Variants in CADPS observed in about 807,000 individuals in gnomAD.
CADPS encodes calcium dependent secretion activator.
Under a neutral mutation model 167.3 loss-of-function variants are expected in CADPS, and 57 were observed. The observed-to-expected ratio is 0.34, with a 90% CI of 0.28 to 0.42. The LOEUF is 0.42. CADPS is among the 20% of genes least tolerant of loss of function. The pLI is 1.00. For synonymous variants in CADPS, 676 were observed against 635.3 expected (o/e 1.06, Z -0.96); for missense variants, 1,414 against 1,738.1 (o/e 0.81, Z 3.32).
At chr3:62,746,641 T>TG (rs2152351520) in intron 3 of CADPS, among the ~76,000 whole-genome samples, 1 of 152,280 alleles carries the variant, frequency 6.6e-6, no homozygotes, top group Admixed American at 6.5e-5. Context: ...CCCAACCAGG[T>TG]GATCCTTTTA....
rs951535771 is a variant in CADPS at position 62,568,135 on chromosome 3, G to A, written c.1644+2737C>T. On this transcript the variant is annotated intron_variant, in intron 9 of 29. Coordinates refer to ENST00000383710, the MANE Select transcript of CADPS (RefSeq NM_003716.4). ...TCAAGGAGAGATGCAAGGATGGAAAGTGGTCAGAGCCAGTCTGTCTCATGA... is the reference window on the plus strand; with the variant it reads ...TCAAGGAGAGATGCAAGGATGGAAAATGGTCAGAGCCAGTCTGTCTCATGA... Among the ~76,000 whole-genome samples, 16 of 152,294 alleles carry A rather than the reference G, an allele frequency of 1.1e-4. No individual in the cohort carries two copies. The East Asian group carries it at 2.9e-3, about 28-fold the overall frequency.
At chr3:62,870,670 A>G (rs2153223155) in intron 1 of CADPS, among the ~76,000 whole-genome samples, 1 of 152,278 alleles carries the variant, frequency 6.6e-6, no homozygotes, top group African/African-American at 2.4e-5. Flanking sequence ...ACAGACACAC[A>G]TGTACACTAT....
chr3:62,599,847 T>C (rs1449696555), intron 6 of CADPS, among the ~76,000 whole-genome samples: 1 of 9,104 alleles, frequency 1.1e-4, no homozygotes, highest in Non-Finnish European at 2.2e-4. Flanking sequence ...ATATTATATA[T>C]ATATAATATA....
At chr3:62,829,765 C>T (rs2074729013) in intron 1 of CADPS, among the ~76,000 whole-genome samples, 1 of 152,150 alleles carries the variant, frequency 6.6e-6, no homozygotes. Context: ...TTAATGAATA[C>T]TCATTTCTGA....
At chr3:62,707,330 C>T (rs1051579680) in intron 3 of CADPS, among the ~76,000 whole-genome samples, 1 of 152,134 alleles carries the variant, frequency 6.6e-6, no homozygotes, top group South Asian at 2.1e-4. Context: ...TCCCCTGCAA[C>T]CCCGGGTCTG....
At chr3:62,599,933 A>G (rs1437602374) in intron 6 of CADPS, among the ~76,000 whole-genome samples, 1 of 103,370 alleles carries the variant, frequency 9.7e-6, no homozygotes, top group Non-Finnish European at 1.8e-5. Flanking sequence ...TATTATATAT[A>G]TAATATATAT....
chr3:62,636,109 T>C (rs1177526881), intron 6 of CADPS, among the ~76,000 whole-genome samples: 3 of 152,214 alleles, frequency 2.0e-5, no homozygotes, highest in African/African-American at 7.2e-5. Flanking sequence ...AAGAATAACA[T>C]CTCTTACATT....
intron 13 of CADPS, among the ~76,000 whole-genome samples, chr3:62,524,498 T>C (rs1231370458): frequency 6.6e-6 from 1 of 152,232 alleles, no homozygotes; most frequent in Non-Finnish European, 1.5e-5. Context: ...AAGCAGTTTC[T>C]ACAATATTAC....
intron 7 of CADPS, among the ~76,000 whole-genome samples, chr3:62,585,926 T>A (rs1376458724): frequency 6.6e-6 from 1 of 152,216 alleles, no homozygotes; most frequent in Admixed American, 6.5e-5. Flanking sequence ...AAAGCACACA[T>A]GACTTGAAGA....
intron 1 of CADPS, among the ~76,000 whole-genome samples, chr3:62,777,923 G>A (rs982376753): frequency 6.6e-6 from 1 of 152,136 alleles, no homozygotes; most frequent in African/African-American, 2.4e-5. Context: ...CATGTCTTAC[G>A]GCAATATGAG....
intron 11 of CADPS, among the ~76,000 whole-genome samples, chr3:62,537,949 T>C (rs2075032486): frequency 1.3e-5 from 2 of 152,194 alleles, no homozygotes; most frequent in South Asian, 4.1e-4. Context: ...AAGTGGTCCT[T>C]GTTTGAACGA....
chr3:62,648,291 A>G (rs2069052145), intron 5 of CADPS, among the ~76,000 whole-genome samples: 1 of 152,184 alleles, frequency 6.6e-6, no homozygotes, highest in South Asian at 2.1e-4. Flanking sequence ...TACAAGTCAA[A>G]CCATCTGAAT....
At position 62,649,543 on chromosome 3, in the gene CADPS, C is replaced by CTTTTT. The variant is rs369874258; in HGVS notation, c.1203+1299_1203+1303dup. On this transcript the variant is annotated intron_variant, in intron 5 of 29. Coordinates refer to ENST00000383710, the MANE Select transcript of CADPS (RefSeq NM_003716.4). ...TCAAGGGAATCATACAATATGTGGT[C>CTTTTT]TTTTTTTTTTTTTTTTTTTTTTTTT... Among the ~76,000 whole-genome samples the CTTTTT allele has an allele frequency of 2.7e-3, 103 of 37,802 alleles. 14 individuals carry two copies. The highest frequency in any genetic ancestry group is 4.2e-3 in the African/African-American group (38 of 9,010). The allele number at this position is 37,802 out of a possible 152,430, so 24.8% of individuals were successfully genotyped here. A position where few individuals can be genotyped will look rare whatever the true frequency, so the allele number is the denominator to read the frequency against.
intron 6 of CADPS, among the ~76,000 whole-genome samples, chr3:62,640,820 G>A (rs1181498559): frequency 6.6e-6 from 1 of 152,058 alleles, no homozygotes; most frequent in Non-Finnish European, 1.5e-5. Flanking sequence ...AAGTGTTCCA[G>A]TATTTAATCC....
intron 6 of CADPS, among the ~76,000 whole-genome samples, chr3:62,595,409 G>A (rs2058766385): frequency 6.6e-6 from 1 of 152,102 alleles, no homozygotes. Flanking sequence ...GATATCTTTA[G>A]TTCAAATTCT....
At chr3:62,860,808 A>C in intron 1 of CADPS, among the ~76,000 whole-genome samples, 1 of 152,194 alleles carries the variant, frequency 6.6e-6, no homozygotes, top group African/African-American at 2.4e-5. Context: ...CATGTGGTCC[A>C]TACAATAACT....
chr3:62,674,338 T>G (rs1366889366), intron 3 of CADPS, among the ~76,000 whole-genome samples: 1 of 152,182 alleles, frequency 6.6e-6, no homozygotes, highest in Non-Finnish European at 1.5e-5. Context: ...ATGTGCTTAA[T>G]TTCCAGTCCC....
intron 1 of CADPS, among the ~76,000 whole-genome samples, chr3:62,806,086 C>T (rs538641034): frequency 1.1e-4 from 17 of 152,126 alleles, no homozygotes; most frequent in African/African-American, 4.1e-4. Flanking sequence ...CCAGTCTGGG[C>T]GAGGCAGCTG....
intron 3 of CADPS, among the ~76,000 whole-genome samples, chr3:62,702,436 G>T (rs4688316): frequency 0.08 from 12,128 of 152,098 alleles, 593 homozygotes; most frequent in South Asian, 0.16. Context: ...TTCAGGCCTG[G>T]GAGACTCTGC....
Sources: allele counts gnomAD v4.1 joint callset (sites outside exome capture counted in the v4.1 genomes callset), GRCh38; gene constraint gnomAD v4.1.1; transcripts MANE v1.5; gene names NCBI Gene and HGNC (gene_info 2026-07-23, HGNC 2026-07-21).